Variants in SGCZ observed in about 807,000 individuals in gnomAD.
SGCZ encodes zeta-sarcoglycan.
In SGCZ, 40 loss-of-function variants were observed where a neutral mutation model predicts 41.3. The ratio of observed to expected loss-of-function variants is 0.97; its 90% CI spans 0.75 to 1.26. The LOEUF (loss-of-function observed/expected upper bound fraction) is 1.26, where lower values mean the gene tolerates loss of function less well. Ranked by LOEUF, SGCZ falls within the 50% of genes most tolerant of loss-of-function variation. SGCZ has a pLI of 0.00. For synonymous variants in SGCZ, 206 were observed against 137.5 expected, an observed-to-expected ratio of 1.50 and a Z score of -3.49; for missense variants, 552 against 369.8, an observed-to-expected ratio of 1.49 and a Z score of -4.04.
chr8:15,150,579 G>C (rs531224600), intron 1 of SGCZ, among the ~76,000 whole-genome samples: 2 of 152,098 alleles, frequency 1.3e-5, no homozygotes, highest in East Asian at 3.9e-4. Context: ...AATTGAAGTC[G>C]GTCCCTGTTG....
intron 1 of SGCZ, among the ~76,000 whole-genome samples, chr8:14,654,321 T>C (rs561568850): frequency 2.6e-5 from 4 of 152,174 alleles, no homozygotes; most frequent in African/African-American, 9.6e-5. Flanking sequence ...TTATTTCTGA[T>C]GCTACCTTGA....
At chr8:14,282,538 G>C (rs919251497) in intron 3 of SGCZ, among the ~76,000 whole-genome samples, 1 of 151,986 alleles carries the variant, frequency 6.6e-6, no homozygotes, top group Non-Finnish European at 1.5e-5. Context: ...AACACCTAGT[G>C]TCTCATTTAT....
At position 15,163,979 on chromosome 8, in the gene SGCZ, C is replaced by T. The variant is rs1228569168; in HGVS notation, c.39+73606G>A. On this transcript the variant is annotated intron_variant, in intron 1 of 7. Coordinates refer to ENST00000382080, the MANE Select transcript of SGCZ (RefSeq NM_139167.4). ...TACAGGGGAAGGAGGCTGGCCTCTC[C>T]GCTTCCTGCGTGGAACCTGGCATTC... Among the ~76,000 whole-genome samples, 2 of 152,220 alleles carry T rather than the reference C, an allele frequency of 1.3e-5. 1 individual carries two copies. The highest frequency in any genetic ancestry group is 4.1e-4 in the South Asian group (2 of 4,826).
chr8:14,217,107 T>A (rs1345139751), intron 4 of SGCZ, among the ~76,000 whole-genome samples: 1 of 151,936 alleles, frequency 6.6e-6, no homozygotes, highest in Non-Finnish European at 1.5e-5. Context: ...CTAACACAGT[T>A]AAACCCTGTC....
At chr8:14,455,457 C>CACACACGCAT (rs1471978980) in intron 2 of SGCZ, among the ~76,000 whole-genome samples, 44 of 22,528 alleles carry the variant, frequency 2.0e-3, no homozygotes, top group African/African-American at 9.9e-3. Context: ...TGCATGCATA[C>CACACACGCAT]ACACACACAC....
At chr8:14,608,827 T>C (rs889512949) in intron 1 of SGCZ, among the ~76,000 whole-genome samples, 2 of 152,136 alleles carry the variant, frequency 1.3e-5, no homozygotes, top group Non-Finnish European at 2.9e-5. Flanking sequence ...TCGGCAAGTG[T>C]ATCATTTTAA....
chr8:15,196,657 T>G (rs551244729), intron 1 of SGCZ, among the ~76,000 whole-genome samples: 5 of 152,316 alleles, frequency 3.3e-5, no homozygotes, highest in South Asian at 4.1e-4. Context: ...TATTATACTT[T>G]AAGTTTTAGG....
In SGCZ at chr8:15,209,755, T is replaced by C. The variant is rs180909975; in HGVS notation, c.39+27830A>G. On this transcript the variant is annotated intron_variant, in intron 1 of 7. Transcript: ENST00000382080. ...GACCACCAGAAATGACAGATACCAG[T>C]AGTTGCCTTAAAAAAATTAATTAAT... Among the ~76,000 whole-genome samples the C allele has an allele frequency of 2.4e-3, 307 of 125,844 alleles. 2 individuals carry two copies. Among genetic ancestry groups the C allele is most frequent in the East Asian group, 0.018 (78 of 4,404 alleles). The allele number at this position is 125,844 out of a possible 152,430, so 82.6% of individuals were successfully genotyped here. A position where few individuals can be genotyped will look rare whatever the true frequency, so the allele number is the denominator to read the frequency against.
intron 2 of SGCZ, among the ~76,000 whole-genome samples, chr8:14,418,136 A>G (rs1799546327): frequency 6.6e-6 from 1 of 151,956 alleles, no homozygotes; most frequent in Non-Finnish European, 1.5e-5. Flanking sequence ...CTTTCATTCT[A>G]GGATGGAAAG....
Position 14,493,359 on chromosome 8 carries a change from C to CTTTTTTTTTTTTTT in SGCZ, c.234+61359_234+61372dup, listed in dbSNP as rs57898016. The stretch of plus-strand genomic sequence containing the variant: ...CATACTTTTCCCACTATCATCCTTT[C>CTTTTTTTTTTTTTT]TTTTTTTTTTTTTTTTTTTTTTTTT... On this transcript the variant is annotated intron_variant, in intron 2 of 7. Coordinates refer to ENST00000382080, the MANE Select transcript of SGCZ (RefSeq NM_139167.4). Among the ~76,000 whole-genome samples, 243 of 44,258 alleles carry CTTTTTTTTTTTTTT rather than the reference C, an allele frequency of 5.5e-3. 25 individuals carry two copies. The highest frequency in any genetic ancestry group is 0.022 in the Middle Eastern group (1 of 46). 29.0% of individuals were successfully genotyped at this position (44,258 alleles called of 152,430 possible).
At chr8:15,105,062 A>G (rs1425035847) in intron 1 of SGCZ, among the ~76,000 whole-genome samples, 1 of 152,198 alleles carries the variant, frequency 6.6e-6, no homozygotes, top group Non-Finnish European at 1.5e-5. Context: ...ATTTTAAAAA[A>G]TGTTTGCTAA....
chr8:14,904,059 T>A (rs778103569), intron 1 of SGCZ, among the ~76,000 whole-genome samples: 10 of 152,084 alleles, frequency 6.6e-5, no homozygotes, highest in Non-Finnish European at 5.9e-5. Flanking sequence ...GGTATTAACT[T>A]GTTGATAAAG....
chr8:14,091,349 C>T (rs1036686115), intron 7 of SGCZ, among the ~76,000 whole-genome samples: 12 of 151,860 alleles, frequency 7.9e-5, no homozygotes, highest in Middle Eastern at 3.2e-3. Context: ...TGGGTATATA[C>T]CCACAAATGG....
chr8:14,428,079 G>C (rs542705950), intron 2 of SGCZ, among the ~76,000 whole-genome samples: 18 of 150,946 alleles, frequency 1.2e-4, no homozygotes, highest in African/African-American at 4.1e-4. Flanking sequence ...AAACCCCGCA[G>C]ATACTGAAGA....
chr8:15,053,851 C>T (rs956581389), intron 1 of SGCZ, among the ~76,000 whole-genome samples: 2 of 152,158 alleles, frequency 1.3e-5, no homozygotes, highest in East Asian at 1.9e-4. Flanking sequence ...ATGAGTTTGA[C>T]ATAAACTGGC....
At chr8:15,143,550 G>A (rs268419) in intron 1 of SGCZ, among the ~76,000 whole-genome samples, 146,742 of 152,296 alleles carry the variant, frequency 0.96, 70,901 homozygotes, top group East Asian at 1. Flanking sequence ...GTACCATTTA[G>A]GTTTTATTTA....
At chr8:14,630,325 G>T (rs1189167723) in intron 1 of SGCZ, among the ~76,000 whole-genome samples, 1 of 151,874 alleles carries the variant, frequency 6.6e-6, no homozygotes, top group African/African-American at 2.4e-5. Context: ...TGTTCTAAGA[G>T]AGAGGCTTGG....
At chr8:14,151,110 A>G (rs1468807694) in intron 5 of SGCZ, among the ~76,000 whole-genome samples, 2 of 152,152 alleles carry the variant, frequency 1.3e-5, no homozygotes, top group African/African-American at 2.4e-5. Flanking sequence ...CCTGTTTGAT[A>G]GCACAATAGG....
chr8:14,636,327 T>G (rs1387945429), intron 1 of SGCZ, among the ~76,000 whole-genome samples: 1 of 151,806 alleles, frequency 6.6e-6, no homozygotes, highest in Non-Finnish European at 1.5e-5. Flanking sequence ...TTTAGAAAGA[T>G]CACGTTAACC....
Sources: gnomAD v4.1 joint callset for allele counts (sites outside exome capture counted in the v4.1 genomes callset) on GRCh38, gnomAD v4.1.1 for gene constraint, MANE v1.5 for transcripts, NCBI Gene and HGNC (gene_info 2026-07-23, HGNC 2026-07-21) for gene names.